THEM4: variants seen among roughly 807,000 people sequenced by gnomAD.
THEM4 encodes the protein acyl-coenzyme A thioesterase THEM4.
Under a neutral mutation model 25.0 loss-of-function variants are expected in THEM4, and 22 were observed. The observed-to-expected ratio is 0.88, with a 90% CI of 0.63 to 1.26. The LOEUF (loss-of-function observed/expected upper bound fraction) is 1.26, where lower values mean the gene tolerates loss of function less well. Among genes scored for constraint, THEM4 ranks in the 50% most tolerant of loss-of-function variants. The probability of loss-of-function intolerance (pLI) is 0.00; values close to 1 mark genes in which losing one functional copy is unlikely to be tolerated. For missense variants in THEM4, 286 were observed against 300.3 expected (o/e 0.95, Z 0.35); for synonymous variants, 113 against 105.6 (o/e 1.07, Z -0.43).
At chr1:151,876,449 ATT>A (rs11449752) in intron 5 of THEM4, among the ~76,000 whole-genome samples, 2 of 144,002 alleles carry the variant, frequency 1.4e-5, no homozygotes, top group African/African-American at 2.6e-5. Context: ...CACTTTGTAA[ATT>A]TTTTTTTTTT....
At chr1:151,904,486 T>G (rs1275795087) in intron 1 of THEM4, among the ~76,000 whole-genome samples, 1 of 152,214 alleles carries the variant, frequency 6.6e-6, no homozygotes, top group Non-Finnish European at 1.5e-5. Flanking sequence ...ATGAAAGCAC[T>G]TGAATGATAC....
chr1:151,908,392 C>T (rs1654522325), intron 1 of THEM4, among the ~76,000 whole-genome samples: 1 of 152,126 alleles, frequency 6.6e-6, no homozygotes, highest in African/African-American at 2.4e-5. Context: ...CTTCGTTTAG[C>T]CCGGCATGGC....
At chr1:151,879,659 C>CTTTTTTTTTTTTT (rs60809136) in intron 4 of THEM4, among the ~76,000 whole-genome samples, 1 of 135,418 alleles carries the variant, frequency 7.4e-6, no homozygotes, top group Admixed American at 7.4e-5. Flanking sequence ...CTTTTCTTTT[C>CTTTTTTTTTTTTT]TTTTTTTTTT....
At chr1:151,903,804 T>C (rs1220342884) in intron 1 of THEM4, among the ~76,000 whole-genome samples, 2 of 152,252 alleles carry the variant, frequency 1.3e-5, no homozygotes, top group African/African-American at 2.4e-5. Context: ...CTTTTATGGA[T>C]ACAGAGCTAA....
chr1:151,895,497 C>CACTGG lies in THEM4; in HGVS notation c.100-308_100-304dup, dbSNP rs570904669. On this transcript the variant is annotated intron_variant, in intron 1 of 5. Transcript: ENST00000368814. ...TAATCAAGCACAGGTAAGCCCAGCA[C>CACTGG]ACTGGAGATGGAGGTTAAGAACAGG... Among the ~76,000 whole-genome samples, 166 of 152,170 alleles carry CACTGG rather than the reference C, an allele frequency of 1.1e-3. 2 individuals are homozygous for CACTGG. The East Asian group carries it at 0.026, about 24-fold the overall frequency.
intron 4 of THEM4, among the ~76,000 whole-genome samples, chr1:151,879,984 CT>C (rs963690421): frequency 6.6e-6 from 1 of 151,420 alleles, no homozygotes; most frequent in Non-Finnish European, 1.5e-5. Context: ...ATTGTTTTTT[CT>C]TTTTTTTGGA....
chr1:151,871,194 G>T lies in THEM4; in HGVS notation c.*3694C>A, dbSNP rs1428833863. Among the ~76,000 whole-genome samples the T allele has an allele frequency of 6.6e-6, 1 of 152,028 alleles. No homozygotes were observed. The highest frequency in any genetic ancestry group is 1.5e-5 in the Non-Finnish European group (1 of 67,996). On this transcript the variant is annotated 3_prime_UTR_variant, in exon 6 of 6. Transcript: ENST00000368814. ...ACAAAAATTAGCTGGGTTTGGTGGTGTATGCCTATAGTCCCAGCTACTTGG... is the reference window on the plus strand; with the variant it reads ...ACAAAAATTAGCTGGGTTTGGTGGTTTATGCCTATAGTCCCAGCTACTTGG...
chr1:151,874,308 C>T lies in THEM4; in HGVS notation c.*580G>A, dbSNP rs548609233. On this transcript the variant is annotated 3_prime_UTR_variant, in exon 6 of 6. Coordinates refer to ENST00000368814, the MANE Select transcript of THEM4 (RefSeq NM_053055.5). ...CAAGTTTGCAGTAAAAGGTTCAATA[C>T]ACATTTATTTCTCTAGTCTGCAGTG... 6.6e-6 allele frequency: 1 copy of T among 152,346 alleles called. No homozygotes were observed. The highest frequency in any genetic ancestry group is 2.1e-4 in the South Asian group (1 of 4,830). 9.4% of individuals were successfully genotyped at this position (152,346 alleles called of 1,614,324 possible).
intron 1 of THEM4, among the ~76,000 whole-genome samples, chr1:151,906,965 A>G (rs1654483275): frequency 6.6e-6 from 1 of 152,196 alleles, no homozygotes; most frequent in South Asian, 2.1e-4. Context: ...CCAAGCCAGC[A>G]GTGGCAACCC....
intron 1 of THEM4, among the ~76,000 whole-genome samples, chr1:151,897,086 T>C (rs1299662757): frequency 6.6e-6 from 1 of 152,174 alleles, no homozygotes; most frequent in Non-Finnish European, 1.5e-5. Flanking sequence ...AGACAAAGTG[T>C]GACTTACTCA....
chr1:151,877,051 GA>G lies in THEM4; in HGVS notation c.631del (p.Ser211ProfsTer21), dbSNP rs760245299. On this transcript the variant is annotated frameshift_variant, in exon 5 of 6. Coordinates refer to ENST00000368814, the MANE Select transcript of THEM4 (RefSeq NM_053055.5). LOFTEE classifies it high-confidence loss of function. The part of the protein sequence containing the change: ...DKVEGRKFFV[S>X]CNVQSVDEKT... ...CTCATCAACACTCTGAACATTACAGGAAACAAAAAATTTCCTTCCTTCAACT... is the reference window on the plus strand; with the variant it reads ...CTCATCAACACTCTGAACATTACAGGAACAAAAAATTTCCTTCCTTCAACT... The G allele has an allele frequency of 5.0e-6, 8 of 1,613,018 alleles. No homozygotes were observed. The highest frequency in any genetic ancestry group is 6.8e-6 in the Non-Finnish European group (8 of 1,179,616).
chr1:151,898,342 T>C (rs1033933316), intron 1 of THEM4, among the ~76,000 whole-genome samples: 3 of 152,056 alleles, frequency 2.0e-5, no homozygotes, highest in Non-Finnish European at 2.9e-5. Flanking sequence ...ACAACCTGTA[T>C]GACTCAGCAG....
Position 151,889,213 on chromosome 1 carries a change from C to T in THEM4, c.446+1G>A. On this transcript the variant is annotated splice_donor_variant, in intron 3 of 5. Transcript: ENST00000368814. LOFTEE classifies it high-confidence loss of function. ...CCACACTTTCAGGCTATCATTCTTACCCAGGTGGTCCTTCCAGGTAAGGGC... is the reference window on the plus strand; with the variant it reads ...CCACACTTTCAGGCTATCATTCTTATCCAGGTGGTCCTTCCAGGTAAGGGC... 1 of 1,611,892 alleles carries T rather than the reference C, an allele frequency of 6.2e-7. No homozygotes were observed. Among genetic ancestry groups the T allele is most frequent in the Non-Finnish European group, 8.5e-7 (1 of 1,179,530 alleles).
In THEM4 at chr1:151,874,948, G is replaced by T. The variant is rs758604035; in HGVS notation, c.683-20C>A. ...ATAAGCCTAAACAAACAAAATAACA[G>T]CAGATGATTATATGTCAACTGACTT... On this transcript the variant is annotated intron_variant, in intron 5 of 5. Coordinates refer to ENST00000368814, the MANE Select transcript of THEM4 (RefSeq NM_053055.5). 1.7e-5 allele frequency: 27 copies of T among 1,603,018 alleles called. No individual in the cohort carries two copies. Among genetic ancestry groups the T allele is most frequent in the Middle Eastern group, 3.3e-4 (2 of 6,030 alleles).
chr1:151,883,803 G>A (rs1455991818), intron 4 of THEM4, among the ~76,000 whole-genome samples: 3 of 151,818 alleles, frequency 2.0e-5, no homozygotes, highest in South Asian at 2.1e-4. Flanking sequence ...CACTGGGCAC[G>A]ATGGCTCACA....
intron 4 of THEM4, among the ~76,000 whole-genome samples, chr1:151,879,257 T>C (rs887261001): frequency 1.3e-5 from 2 of 152,062 alleles, no homozygotes; most frequent in African/African-American, 4.8e-5. Flanking sequence ...CGAGACTGGG[T>C]CTCTCAATCA....
intron 1 of THEM4, among the ~76,000 whole-genome samples, chr1:151,895,696 A>AC (rs1379667914): frequency 3.6e-4 from 54 of 151,328 alleles, no homozygotes; most frequent in Admixed American, 1.4e-3. Context: ...AAAAAAAAAA[A>AC]CACTGGAATA....
chr1:151,898,116 C>T (rs541695019), intron 1 of THEM4, among the ~76,000 whole-genome samples: 15 of 152,142 alleles, frequency 9.9e-5, no homozygotes, highest in South Asian at 4.2e-4. Flanking sequence ...GGCATGAACC[C>T]GGCTTGCAGA....
At chr1:151,898,206 G>A (rs765117211) in intron 1 of THEM4, among the ~76,000 whole-genome samples, 39 of 151,830 alleles carry the variant, frequency 2.6e-4, no homozygotes, top group Non-Finnish European at 3.5e-4. Flanking sequence ...TTTCAAGCCC[G>A]TCTTGCCCTC....
Sources: allele counts gnomAD v4.1 joint callset (sites outside exome capture counted in the v4.1 genomes callset), GRCh38; gene constraint gnomAD v4.1.1; transcripts MANE v1.5; gene names NCBI Gene and HGNC (gene_info 2026-07-23, HGNC 2026-07-21).